The following SEZ6L2 variants were observed in gnomAD, a reference collection of about 807,000 sequenced individuals.
SEZ6L2 encodes the protein seizure 6-like protein 2.
A neutral mutation model predicts 97.0 loss-of-function variants in SEZ6L2; 44 were observed. The ratio of observed to expected loss-of-function variants is 0.45; its 90% CI spans 0.36 to 0.58. The LOEUF is 0.58. Ranked by LOEUF, SEZ6L2 falls within the 20% of genes least tolerant of loss-of-function variation. The pLI, the probability that SEZ6L2 is intolerant of heterozygous loss-of-function variation, is 0.00. For synonymous variants in SEZ6L2, 543 were observed against 546.1 expected (o/e 0.99, Z 0.08); for missense variants, 1,086 against 1,233.3 (o/e 0.88, Z 1.79).
intron 8 of SEZ6L2, among the ~76,000 whole-genome samples, chr16:29,882,196 C>T (rs2068044834): frequency 6.6e-6 from 1 of 151,808 alleles, no homozygotes; most frequent in African/African-American, 2.4e-5. Context: ...GTTTCAAACT[C>T]CTGGGCTCAA....
chr16:29,885,501 A>C, intron 8 of SEZ6L2, 85 bp downstream of exon 8: 2 of 1,422,704 alleles, frequency 1.4e-6, no homozygotes, highest in Non-Finnish European at 2.0e-6. Flanking sequence ...GAACAGGCAT[A>C]GAGTTTGTGC....
intron 5 of SEZ6L2, among the ~76,000 whole-genome samples, chr16:29,891,191 C>T (rs969356059): frequency 4.6e-5 from 7 of 152,154 alleles, no homozygotes; most frequent in South Asian, 2.1e-4. Flanking sequence ...CTGCCCGCCT[C>T]GGCCTCCCAA....
chr16:29,884,668 C>T (rs1286398063), intron 8 of SEZ6L2, among the ~76,000 whole-genome samples: 1 of 152,242 alleles, frequency 6.6e-6, no homozygotes, highest in African/African-American at 2.4e-5. Flanking sequence ...AATCCCAACA[C>T]TTTGGGAGGC....
chr16:29,889,996 T>C (rs944289504), intron 5 of SEZ6L2, among the ~76,000 whole-genome samples: 8 of 151,692 alleles, frequency 5.3e-5, no homozygotes, highest in Admixed American at 5.3e-4. Context: ...GCAACCTCCG[T>C]CTCCCGGGTT....
At chr16:29,884,537 A>C (rs1389670697) in intron 8 of SEZ6L2, among the ~76,000 whole-genome samples, 1 of 151,604 alleles carries the variant, frequency 6.6e-6, no homozygotes. Context: ...GGCTGCAGTG[A>C]GCTGAGATCG....
intron 3 of SEZ6L2, among the ~76,000 whole-genome samples, chr16:29,896,518 A>G (rs1180369624): frequency 6.6e-6 from 1 of 152,062 alleles, no homozygotes; most frequent in Non-Finnish European, 1.5e-5. Flanking sequence ...ACCTCAGGTG[A>G]TCTGCCCGCC....
chr16:29,897,889 G>A lies in SEZ6L2; in HGVS notation c.175C>T (p.Leu59=), dbSNP rs752112419. The A allele has an allele frequency of 8.6e-5, 138 of 1,613,094 alleles. No homozygotes were observed. Among genetic ancestry groups the A allele is most frequent in the Non-Finnish European group, 1.1e-4 (135 of 1,179,678 alleles). The change falls in exon 2 of 18, where the codon CTG becomes TTG. Residue 59 remains leucine (L), a synonymous_variant. Coordinates refer to ENST00000617533, the MANE Select transcript of SEZ6L2 (RefSeq NM_001243332.2). ...EALAELLHGA[L]LRRGPEMGYL... ...CCCATCTCTGGGCCCCTCCTCAGCA[G>A]GGCCCCATGAAGCAGTTCAGCCAGG...
chr16:29,871,641 C>G lies in SEZ6L2; in HGVS notation c.*58G>C. ...GGCAGAGACCGGGTCCCGTATTTCC[C>G]TCTGCCCGAATGAGGAGGGGAGGGG... is the stretch of plus-strand genomic sequence containing the variant. On this transcript the variant is annotated 3_prime_UTR_variant, in exon 18 of 18. Transcript: ENST00000617533. 4 of 1,563,546 alleles carry G rather than the reference C, an allele frequency of 2.6e-6. No homozygotes were observed. The South Asian group carries it at 4.6e-5, about 18-fold the overall frequency.
In SEZ6L2 at chr16:29,872,498, C is replaced by T; in HGVS notation, c.2556G>A (p.Gln852=). The T allele has an allele frequency of 1.4e-5, 23 of 1,614,214 alleles. No individual in the cohort carries two copies. Among genetic ancestry groups the T allele is most frequent in the Middle Eastern group, 1.6e-4 (1 of 6,062 alleles). ...EVTQTTDPSR[Q]LEGGNLALAI... is the part of the protein sequence containing the mutation. ...CCAGGGCCAGGTTCCCCCCTTCCAG[C>T]TGCCGTGATGGATCTGTGGTCTGGG... The change falls in exon 16 of 18, where the codon CAG becomes CAA. Residue 852 remains glutamine, a synonymous_variant. Coordinates refer to ENST00000617533, the MANE Select transcript of SEZ6L2 (RefSeq NM_001243332.2).
Position 29,896,944 on chromosome 16 carries a change from G to A in SEZ6L2, c.389C>T (p.Thr130Ile), listed in dbSNP as rs751307574. Reference protein sequence around the residue: ...PELLTPPPGTTAPPPPSPASP... With the variant: ...PELLTPPPGTIAPPPPSPASP... ...GGCAGGGCTGGGTGGGGGTGGGGCT[G>A]TGGTTCCTGGGGGCGGGGTCAGCAG... is the stretch of plus-strand genomic sequence containing the variant. The change falls in exon 3 of 18, where the codon ACA (threonine) becomes ATA (isoleucine). Residue 130 changes from threonine (T) to isoleucine (I), a missense_variant. Physicochemically the swap from Thr to Ile is moderately conservative, Grantham distance 89. This residue lies in a region of SEZ6L2 where 776 missense variants were observed against 794.7 expected (regional missense o/e 0.98). Transcript: ENST00000617533. 2 of 1,606,782 alleles carry A rather than the reference G, an allele frequency of 1.2e-6. No individual in the cohort carries two copies. Among genetic ancestry groups the A allele is most frequent in the East Asian group, 2.2e-5 (1 of 44,684 alleles).
intron 5 of SEZ6L2, among the ~76,000 whole-genome samples, chr16:29,888,962 C>T (rs2068209394): frequency 6.6e-6 from 1 of 152,040 alleles, no homozygotes; most frequent in Non-Finnish European, 1.5e-5. Context: ...TCGTTGGCCC[C>T]CATTTTATAG....
intron 16 of SEZ6L2, 56 bp downstream of exon 16, chr16:29,872,353 G>C: frequency 1.2e-6 from 2 of 1,603,614 alleles, no homozygotes; most frequent in East Asian, 2.2e-5. Context: ...CCAGGCTCCA[G>C]TGCCAGGCTC....
Position 29,873,788 on chromosome 16 carries a change from A to G in SEZ6L2, c.2105-59T>C. On this transcript the variant is annotated intron_variant, in intron 12 of 17. Transcript: ENST00000617533. This position sits in a 1 kb window ranked among gnomAD's most constrained non-coding sequence, Gnocchi z 4.3. ...GGGCCTTCAAAGATCAGCCTGGGCA[A>G]CACAGAGAGACCCCATCTCTACAAA... 1 of 1,429,702 alleles carries G rather than the reference A, an allele frequency of 7.0e-7. No homozygotes were observed. The highest frequency in any genetic ancestry group is 9.4e-7 in the Non-Finnish European group (1 of 1,065,766). 88.6% of individuals were successfully genotyped at this position (1,429,702 alleles called of 1,614,324 possible).
At chr16:29,880,172 T>TA (rs2068001073) in intron 8 of SEZ6L2, 108 bp from the exon 9 acceptor site, 7 of 987,648 alleles carry the variant, frequency 7.1e-6, no homozygotes, top group Non-Finnish European at 8.7e-6. Flanking sequence ...CACTGGGCTT[T>TA]TTTTTTTTTT....
At chr16:29,897,734 C>G (rs898613313) in intron 2 of SEZ6L2, 119 bp downstream of exon 2, 5 of 1,221,424 alleles carry the variant, frequency 4.1e-6, no homozygotes, top group Non-Finnish European at 5.5e-6. Flanking sequence ...CACAGGAATG[C>G]AGGCTCTTTC....
In SEZ6L2 at chr16:29,896,879, C is replaced by G; in HGVS notation, c.454G>C (p.Glu152Gln). 6.2e-7 allele frequency: 1 copy of G among 1,614,012 alleles called. No homozygotes were observed. The change falls in exon 3 of 18, where the codon GAG becomes CAG. Residue 152 changes from glutamate to glutamine, a missense_variant. Physicochemically the swap from Glu to Gln is conservative, Grantham distance 29. This residue lies in a region of SEZ6L2 where 776 missense variants were observed against 794.7 expected (regional missense o/e 0.98). Transcript: ENST00000617533. ...GTGGTGATGATGGTGGTCGTCGTCT[C>G]CTCCTCTCCTCCCTCAGGCCCAAGG... ...PPLGPEGGEE[E>Q]TTTTIITTTT...
At position 29,887,742 on chromosome 16, in the gene SEZ6L2, G is replaced by C. The variant is rs1222012352; in HGVS notation, c.1115C>G (p.Pro372Arg). The change falls in exon 7 of 18, where the codon CCC becomes CGC. Residue 372 changes from proline (P) to arginine (R), a missense_variant. By Grantham distance (103) the Pro-to-Arg change is moderately radical. Coordinates refer to ENST00000617533, the MANE Select transcript of SEZ6L2 (RefSeq NM_001243332.2). ...AATGACCCAACGGCAGGTGAGGTTG[G>C]GCCCTACGGCTCCCCCAGGCTCTGG... Reference protein sequence around the residue: ...VSPEPGGAVGPNLTCRWVIEA... With the variant: ...VSPEPGGAVGRNLTCRWVIEA... The C allele has an allele frequency of 1.9e-6, 3 of 1,613,568 alleles. No individual in the cohort carries two copies. Among genetic ancestry groups the C allele is most frequent in the Non-Finnish European group, 2.5e-6 (3 of 1,179,762 alleles).
intron 5 of SEZ6L2, among the ~76,000 whole-genome samples, chr16:29,891,473 C>G (rs1435754172): frequency 1.3e-5 from 2 of 151,966 alleles, no homozygotes; most frequent in Non-Finnish European, 2.9e-5. Context: ...AACCCTGTCT[C>G]TAATAAAAAT....
intron 12 of SEZ6L2, among the ~76,000 whole-genome samples, chr16:29,874,565 T>TG (rs1440827182): frequency 1.1e-5 from 1 of 95,174 alleles, no homozygotes; most frequent in Admixed American, 1.0e-4. Context: ...TTTTTTTTTT[T>TG]TTTTTTTTTT....
Sources: allele counts gnomAD v4.1 joint callset (sites outside exome capture counted in the v4.1 genomes callset), GRCh38; gene constraint gnomAD v4.1.1; regional missense constraint gnomAD v4.1.1; non-coding constraint Gnocchi (gnomAD v3.1); transcripts MANE v1.5; gene names NCBI Gene and HGNC (gene_info 2026-07-23, HGNC 2026-07-21).